Variants in PDE3A observed in about 807,000 individuals in gnomAD.
The protein encoded by PDE3A is cGMP-inhibited 3',5'-cyclic phosphodiesterase 3A.
Under a neutral mutation model 98.3 loss-of-function variants are expected in PDE3A, and 43 were observed. The observed-to-expected ratio is 0.44, with a 90% CI of 0.34 to 0.56. The LOEUF (loss-of-function observed/expected upper bound fraction) is 0.56, where lower values mean the gene tolerates loss of function less well. Among genes scored for constraint, PDE3A ranks in the 20% least tolerant of loss-of-function variants. The probability of loss-of-function intolerance (pLI) is 0.01; values close to 1 mark genes in which losing one functional copy is unlikely to be tolerated. For synonymous variants in PDE3A, 663 were observed against 567.9 expected (o/e 1.17, Z -2.38); for missense variants, 1,427 against 1,440.7 (o/e 0.99, Z 0.15).
chr12:20,397,783 T>G (rs1334125623), intron 1 of PDE3A, among the ~76,000 whole-genome samples: 1 of 152,082 alleles, frequency 6.6e-6, no homozygotes, highest in Admixed American at 6.6e-5. Flanking sequence ...TAATTCAAAA[T>G]TACTAAAATA....
rs10657239 is a variant in PDE3A, at chr12:20,481,764, A to ATTTTTTTTTTTTTTTTTTTTTTTTT, written c.961-74874_961-74873insTTTTTTTTTTTTTTTTTTTTTTTTT. On this transcript the variant is annotated intron_variant, in intron 1 of 15. Coordinates refer to ENST00000359062, the MANE Select transcript of PDE3A (RefSeq NM_000921.5). ...TCCATGTAAGTGACTTGGGAAATAG[A>ATTTTTTTTTTTTTTTTTTTTTTTTT]TTTTTTTTTTTTTTTTTTTTTTGAG... Among the ~76,000 whole-genome samples the ATTTTTTTTTTTTTTTTTTTTTTTTT allele has an allele frequency of 5.0e-5, 4 of 79,584 alleles. 1 individual carries two copies. Among genetic ancestry groups the ATTTTTTTTTTTTTTTTTTTTTTTTT allele is most frequent in the African/African-American group, 1.6e-4 (3 of 19,296 alleles). The allele number at this position is 79,584 out of a possible 152,430, so 52.2% of individuals were successfully genotyped here.
At chr12:20,662,662 T>G (rs1277729114) in intron 15 of PDE3A, among the ~76,000 whole-genome samples, 5 of 152,314 alleles carry the variant, frequency 3.3e-5, no homozygotes, top group Admixed American at 6.5e-5. Flanking sequence ...AAGAGGTGAC[T>G]TTGGTGCTAT....
At chr12:20,452,543 A>G (rs1945083828) in intron 1 of PDE3A, among the ~76,000 whole-genome samples, 1 of 152,206 alleles carries the variant, frequency 6.6e-6, no homozygotes, top group Non-Finnish European at 1.5e-5. Context: ...AGTTTGGGAA[A>G]TGCTAGTTAC....
chr12:20,470,029 C>G (rs999545906), intron 1 of PDE3A, among the ~76,000 whole-genome samples: 15 of 151,952 alleles, frequency 9.9e-5, no homozygotes, highest in Admixed American at 3.3e-4. Flanking sequence ...ATTAATACTT[C>G]TATCTCCAAG....
At chr12:20,594,160 C>T (rs1943407486) in intron 2 of PDE3A, among the ~76,000 whole-genome samples, 1 of 150,702 alleles carries the variant, frequency 6.6e-6, no homozygotes, top group African/African-American at 2.4e-5. Flanking sequence ...TGGTTAGCTC[C>T]TTAGAGATGG....
intron 1 of PDE3A, chr12:20,449,979 A>C (rs750899552): frequency 8.4e-5 from 61 of 723,726 alleles, no homozygotes; most frequent in Non-Finnish European, 1.4e-4. Flanking sequence ...CAGGAACAAT[A>C]AGCCCTTGCC....
chr12:20,633,674 C>T lies in PDE3A; in HGVS notation c.1761-19C>T. The T allele has an allele frequency of 6.6e-7, 1 of 1,522,104 alleles. No homozygotes were observed. The highest frequency in any genetic ancestry group is 9.1e-7 in the Non-Finnish European group (1 of 1,104,628). 94.3% of individuals were successfully genotyped at this position (1,522,104 alleles called of 1,614,324 possible). A position where few individuals can be genotyped will look rare whatever the true frequency, so the allele number is the denominator to read the frequency against. On this transcript the variant is annotated intron_variant, in intron 6 of 15. Coordinates refer to ENST00000359062, the MANE Select transcript of PDE3A (RefSeq NM_000921.5). ...TGAAAAGAGGAGGCTACACCTATAG[C>T]TCTTCCAATATTTTTTAGCTGTGGC...
chr12:20,587,901 C>T (rs1943231375), intron 2 of PDE3A, among the ~76,000 whole-genome samples: 1 of 152,152 alleles, frequency 6.6e-6, no homozygotes, highest in Non-Finnish European at 1.5e-5. Flanking sequence ...TTTAAAGTTG[C>T]TTTTTAATGT....
intron 1 of PDE3A, among the ~76,000 whole-genome samples, chr12:20,462,152 C>T (rs1336707157): frequency 6.6e-6 from 1 of 151,988 alleles, no homozygotes; most frequent in Non-Finnish European, 1.5e-5. Flanking sequence ...AGTAATTAGC[C>T]CCAGAATTTC....
Position 20,639,900 on chromosome 12 carries a change from A to G in PDE3A, c.2194A>G (p.Ile732Val), listed in dbSNP as rs374863803. The G allele has an allele frequency of 3.2e-5, 51 of 1,581,932 alleles. No homozygotes were observed. Among genetic ancestry groups the G allele is most frequent in the Middle Eastern group, 1.7e-4 (1 of 5,802 alleles). ...MGLFEAFKIP[I>V]REFMNYFHAL... ...CCTCTTTGAAGCTTTTAAAATTCCA[A>G]TTAGGGAATTTATGAATTATTTTCA... is the stretch of plus-strand genomic sequence containing the variant. The change falls in exon 10 of 16, where the codon ATT (isoleucine) becomes GTT (valine). Residue 732 changes from isoleucine to valine, a missense_variant. Physicochemically the swap from Ile to Val is conservative, Grantham distance 29. This residue lies in a region of PDE3A where 273 missense variants were observed against 420.3 expected (regional missense o/e 0.65). Coordinates refer to ENST00000359062, the MANE Select transcript of PDE3A (RefSeq NM_000921.5).
At position 20,621,417 on chromosome 12, in the gene PDE3A, T is replaced by G; in HGVS notation, c.1540+6T>G. 6.9e-7 allele frequency: 1 copy of G among 1,456,904 alleles called. No homozygotes were observed. Among genetic ancestry groups the G allele is most frequent in the Non-Finnish European group, 9.6e-7 (1 of 1,036,758 alleles). 90.2% of individuals were successfully genotyped at this position (1,456,904 alleles called of 1,614,324 possible). Reference sequence around the variant, plus strand: ...TAAAAAGCAAAGTCGACCAGGTAAGTAACTTAACTGGAGAAGGGTTCATAC... The same window carrying G: ...TAAAAAGCAAAGTCGACCAGGTAAGGAACTTAACTGGAGAAGGGTTCATAC... On this transcript the variant is annotated splice_donor_region_variant and intron_variant, in intron 5 of 15. Transcript: ENST00000359062.
At chr12:20,372,248 T>C (rs1212859416) in intron 1 of PDE3A, among the ~76,000 whole-genome samples, 2 of 152,172 alleles carry the variant, frequency 1.3e-5, no homozygotes, top group Non-Finnish European at 1.5e-5. Context: ...GGAAAATGCA[T>C]AATCGCAATC....
chr12:20,462,543 T>C (rs1011788604), intron 1 of PDE3A, among the ~76,000 whole-genome samples: 1 of 152,128 alleles, frequency 6.6e-6, no homozygotes, highest in Non-Finnish European at 1.5e-5. Context: ...AAGATTAGGG[T>C]CAGTAATAGA....
chr12:20,673,054 CT>C (rs1246074358), intron 15 of PDE3A, among the ~76,000 whole-genome samples: 1 of 151,708 alleles, frequency 6.6e-6, no homozygotes, highest in Admixed American at 6.6e-5. Context: ...TGAACAGACA[CT>C]TTTCAAAAGA....
chr12:20,459,827 C>A (rs993374605), intron 1 of PDE3A, among the ~76,000 whole-genome samples: 5 of 152,006 alleles, frequency 3.3e-5, no homozygotes, highest in South Asian at 2.1e-4. Context: ...TGAAAGGAAT[C>A]AATTACAGTG....
intron 1 of PDE3A, among the ~76,000 whole-genome samples, chr12:20,434,405 C>T (rs561290078): frequency 1.3e-5 from 2 of 152,226 alleles, no homozygotes; most frequent in South Asian, 4.1e-4. Flanking sequence ...CTATTGCTAT[C>T]TATCTTCATT....
intron 2 of PDE3A, among the ~76,000 whole-genome samples, chr12:20,585,925 G>T (rs1037588033): frequency 1.3e-5 from 2 of 152,130 alleles, no homozygotes; most frequent in African/African-American, 4.8e-5. Flanking sequence ...CGGATACAAA[G>T]GTGAATGATA....
At chr12:20,438,403 C>T (rs1415307718) in intron 1 of PDE3A, among the ~76,000 whole-genome samples, 2 of 152,094 alleles carry the variant, frequency 1.3e-5, no homozygotes, top group Non-Finnish European at 2.9e-5. Context: ...TCTCAGCATT[C>T]CAAGGTTATG....
chr12:20,547,640 A>G (rs1942091951), intron 1 of PDE3A, among the ~76,000 whole-genome samples: 1 of 152,002 alleles, frequency 6.6e-6, no homozygotes, highest in Admixed American at 6.6e-5. Context: ...TTTCATATCT[A>G]AAACTTCTCA....
Sources: allele counts gnomAD v4.1 joint callset (sites outside exome capture counted in the v4.1 genomes callset), GRCh38; gene constraint gnomAD v4.1.1; regional missense constraint gnomAD v4.1.1; transcripts MANE v1.5; gene names NCBI Gene and HGNC (gene_info 2026-07-23, HGNC 2026-07-21).